Variants in AKR1C8 observed in about 807,000 individuals in gnomAD.
AKR1C8 encodes the protein aldo-keto reductase family 1 member C8.
the AKR1C8 span, among the ~76,000 whole-genome samples, chr10:5,147,014 G>A: frequency 1.3e-5 from 2 of 152,134 alleles, no homozygotes; most frequent in Non-Finnish European, 2.9e-5. Flanking sequence ...TTTGGCTCAT[G>A]GTTCTGCATA....
At chr10:5,125,190 A>T in the AKR1C8 span, among the ~76,000 whole-genome samples, 1 of 152,082 alleles carries the variant, frequency 6.6e-6, no homozygotes. Flanking sequence ...ATTATATGGT[A>T]TCATTAATTT....
chr10:5,155,639 A>G, the AKR1C8 span: 1 of 452,778 alleles, frequency 2.2e-6, no homozygotes. Flanking sequence ...ATACTACAGA[A>G]AACAGCCTGT....
chr10:5,141,716 A>G, the AKR1C8 span, among the ~76,000 whole-genome samples: 16 of 152,176 alleles, frequency 1.1e-4, no homozygotes, highest in Non-Finnish European at 1.5e-4. Context: ...AATATTTTGA[A>G]AGGAATCTCT....
At chr10:5,127,835 G>C in the AKR1C8 span, among the ~76,000 whole-genome samples, 42,042 of 151,114 alleles carry the variant, frequency 0.28, 6,671 homozygotes, top group Non-Finnish European at 0.36. Context: ...GAGAAGAGAA[G>C]TCTAAAAGTT....
chr10:5,144,762 G>A, the AKR1C8 span, among the ~76,000 whole-genome samples: 2 of 152,008 alleles, frequency 1.3e-5, no homozygotes, highest in Non-Finnish European at 2.9e-5. Context: ...AGCTTAAGGA[G>A]ATTTTGGGCT....
chr10:5,151,312 A>G, the AKR1C8 span, among the ~76,000 whole-genome samples: 1 of 151,342 alleles, frequency 6.6e-6, no homozygotes, highest in African/African-American at 2.5e-5. Context: ...TGGCTAATAT[A>G]TTAGTCCTAC....
chr10:5,147,375 C>A, the AKR1C8 span, among the ~76,000 whole-genome samples: 1 of 152,166 alleles, frequency 6.6e-6, no homozygotes, highest in African/African-American at 2.4e-5. Context: ...CCTGGCCCAG[C>A]ACCAACTTAA....
At chr10:5,141,452 C>T in the AKR1C8 span, among the ~76,000 whole-genome samples, 2 of 152,134 alleles carry the variant, frequency 1.3e-5, no homozygotes, top group East Asian at 3.9e-4. Flanking sequence ...TTCATGATGG[C>T]ATTCAGAATG....
chr10:5,165,084 T>G, the AKR1C8 span, among the ~76,000 whole-genome samples: 2 of 152,182 alleles, frequency 1.3e-5, no homozygotes, highest in Non-Finnish European at 2.9e-5. Flanking sequence ...TATTTCTGTC[T>G]AAATTTTCAC....
the AKR1C8 span, among the ~76,000 whole-genome samples, chr10:5,127,769 A>C: frequency 6.6e-6 from 1 of 151,602 alleles, no homozygotes; most frequent in East Asian, 1.9e-4. Context: ...AAATTATCCA[A>C]GAAATATGAG....
the AKR1C8 span, chr10:5,132,602 C>T: frequency 0.39 from 603,479 of 1,546,658 alleles, 127,396 homozygotes; most frequent in Non-Finnish European, 0.42. Context: ...GGCACAGTAC[C>T]TTTGAAGTGT....
the AKR1C8 span, among the ~76,000 whole-genome samples, chr10:5,175,441 T>C: frequency 5.3e-5 from 8 of 152,168 alleles, no homozygotes; most frequent in South Asian, 8.3e-4. Context: ...AACATATGTG[T>C]GCATGTGTCT....
chr10:5,156,151 C>A, the AKR1C8 span, among the ~76,000 whole-genome samples: 1 of 152,180 alleles, frequency 6.6e-6, no homozygotes, highest in Non-Finnish European at 1.5e-5. Context: ...CCCGTGGAAC[C>A]TGATCCAGCC....
At chr10:5,176,747 A>G in the AKR1C8 span, among the ~76,000 whole-genome samples, 1 of 151,868 alleles carries the variant, frequency 6.6e-6, no homozygotes, top group Non-Finnish European at 1.5e-5. Context: ...GCAATCGTGA[A>G]TGGGAGTTCA....
the AKR1C8 span, among the ~76,000 whole-genome samples, chr10:5,168,030 A>C: frequency 1.3e-5 from 2 of 152,102 alleles, no homozygotes; most frequent in East Asian, 1.9e-4. Flanking sequence ...AGATTAAAAA[A>C]AAAGACTTAT....
the AKR1C8 span, chr10:5,158,823 T>C: frequency 2.0e-5 from 8 of 407,974 alleles, no homozygotes; most frequent in Middle Eastern, 7.7e-4. Flanking sequence ...TACTATACTT[T>C]TCATGTTGGC....
the AKR1C8 span, chr10:5,132,542 G>A: frequency 3.0e-6 from 4 of 1,329,798 alleles, no homozygotes. Context: ...TTACAGAATT[G>A]TCATCTCCAC....
the AKR1C8 span, among the ~76,000 whole-genome samples, chr10:5,117,382 A>G: frequency 6.6e-6 from 1 of 152,116 alleles, no homozygotes; most frequent in Admixed American, 6.6e-5. Context: ...GGGAAGAAAC[A>G]TATCCACCCT....
chr10:5,124,223 T>C, the AKR1C8 span, among the ~76,000 whole-genome samples: 11 of 152,144 alleles, frequency 7.2e-5, no homozygotes, highest in African/African-American at 2.4e-4. Flanking sequence ...TATAGGAATA[T>C]TACTAGTAAT....
Sources: gnomAD v4.1 joint callset for allele counts (sites outside exome capture counted in the v4.1 genomes callset) on GRCh38, gnomAD v4.1.1 for gene constraint, MANE v1.5 for transcripts, NCBI Gene and HGNC (gene_info 2026-07-23, HGNC 2026-07-21) for gene names.